The following DLG2 variants were observed in gnomAD, a reference collection of about 807,000 sequenced individuals.
The protein encoded by DLG2 is discs large MAGUK scaffold protein 2, also known as disks large homolog 2.
DLG2 carries 45 observed loss-of-function variants against 132.5 expected under a neutral mutation model. The observed-to-expected ratio is 0.34, with a 90% CI of 0.27 to 0.44. DLG2 has a LOEUF of 0.44. DLG2 is among the 20% of genes least tolerant of loss of function. The pLI is 1.00. For missense variants in DLG2, 1,045 were observed against 1,196.9 expected (o/e 0.87, Z 1.87); for synonymous variants, 424 against 419.6 (o/e 1.01, Z -0.13).
chr11:84,587,801 T>C (rs7119459), intron 6 of DLG2, among the ~76,000 whole-genome samples: 22,181 of 152,232 alleles, frequency 0.15, 1,806 homozygotes, highest in African/African-American at 0.21. Flanking sequence ...ATGCAGTCCA[T>C]GCTATTTAGC....
chr11:84,876,792 T>A (rs1488793190), intron 6 of DLG2, among the ~76,000 whole-genome samples: 1 of 152,190 alleles, frequency 6.6e-6, no homozygotes, highest in East Asian at 1.9e-4. Context: ...TGAATTTAGA[T>A]CTTTCCTGCT....
At chr11:84,793,712 G>C (rs909726028) in intron 6 of DLG2, among the ~76,000 whole-genome samples, 7 of 152,056 alleles carry the variant, frequency 4.6e-5, no homozygotes, top group Admixed American at 2.0e-4. Flanking sequence ...TCTGATATTA[G>C]TATAGCTACT....
chr11:84,677,927 G>A (rs1334005591), intron 6 of DLG2, among the ~76,000 whole-genome samples: 1 of 151,904 alleles, frequency 6.6e-6, no homozygotes, highest in African/African-American at 2.4e-5. Flanking sequence ...AAATGCATGA[G>A]TAAATTGCAT....
intron 18 of DLG2, among the ~76,000 whole-genome samples, chr11:83,655,804 T>A (rs538826920): frequency 2.0e-5 from 3 of 152,338 alleles, no homozygotes; most frequent in African/African-American, 7.2e-5. Flanking sequence ...CAAATTCATA[T>A]CCAAAAGGAC....
intron 18 of DLG2, among the ~76,000 whole-genome samples, chr11:83,679,004 A>C (rs2078261982): frequency 6.6e-6 from 1 of 152,142 alleles, no homozygotes; most frequent in Non-Finnish European, 1.5e-5. Context: ...TGAGGAGAGG[A>C]ATCAAAGCAG....
At chr11:84,892,570 C>A (rs1431658382) in intron 6 of DLG2, among the ~76,000 whole-genome samples, 2 of 151,608 alleles carry the variant, frequency 1.3e-5, no homozygotes, top group Non-Finnish European at 2.9e-5. Flanking sequence ...AAAAGTTATG[C>A]CTGTTTTGTG....
intron 6 of DLG2, among the ~76,000 whole-genome samples, chr11:84,615,382 T>C (rs2154539391): frequency 6.6e-6 from 1 of 152,228 alleles, no homozygotes; most frequent in Admixed American, 6.5e-5. Context: ...TACTAATTAC[T>C]GCTCTTGGTC....
chr11:85,093,593 G>A (rs1170941657), intron 6 of DLG2, among the ~76,000 whole-genome samples: 1 of 152,192 alleles, frequency 6.6e-6, no homozygotes, highest in Admixed American at 6.5e-5. Context: ...ATGGTGGAAG[G>A]TGAGGAAGAG....
At chr11:84,099,715 T>C (rs1037108223) in intron 9 of DLG2, among the ~76,000 whole-genome samples, 1 of 149,770 alleles carries the variant, frequency 6.7e-6, no homozygotes, top group African/African-American at 2.4e-5. Flanking sequence ...CTGTAGATTA[T>C]AGTAACTGAT....
chr11:83,616,738 G>A (rs2060875595), intron 19 of DLG2, among the ~76,000 whole-genome samples: 1 of 152,066 alleles, frequency 6.6e-6, no homozygotes, highest in African/African-American at 2.4e-5. Context: ...CACTTAGGAA[G>A]TTATTTTTCA....
chr11:85,475,702 A>T (rs1366382746), intron 3 of DLG2, among the ~76,000 whole-genome samples: 1 of 152,122 alleles, frequency 6.6e-6, no homozygotes, highest in Non-Finnish European at 1.5e-5. Flanking sequence ...CGTCTGATGT[A>T]TTTTTATTTT....
intron 3 of DLG2, among the ~76,000 whole-genome samples, chr11:85,390,072 A>G (rs1263472574): frequency 6.6e-6 from 1 of 152,144 alleles, no homozygotes; most frequent in African/African-American, 2.4e-5. Flanking sequence ...TGGCAGAATA[A>G]TAACTCACCA....
At chr11:83,947,388 AC>A (rs1271877029) in intron 14 of DLG2, among the ~76,000 whole-genome samples, 2 of 152,198 alleles carry the variant, frequency 1.3e-5, no homozygotes, top group African/African-American at 4.8e-5. Flanking sequence ...TATAGAGAAA[AC>A]ATCACTGAAT....
At chr11:83,662,129 G>A (rs1788831321) in intron 18 of DLG2, among the ~76,000 whole-genome samples, 1 of 152,078 alleles carries the variant, frequency 6.6e-6, no homozygotes, top group African/African-American at 2.4e-5. Flanking sequence ...TACTAGGACA[G>A]CCAGATTTGT....
intron 3 of DLG2, among the ~76,000 whole-genome samples, chr11:85,461,872 A>T (rs1000370360): frequency 6.6e-6 from 1 of 152,212 alleles, no homozygotes; most frequent in African/African-American, 2.4e-5. Context: ...GGCAACCTAC[A>T]GAATGGGAGA....
intron 7 of DLG2, among the ~76,000 whole-genome samples, chr11:84,452,749 T>C (rs2099055063): frequency 6.6e-6 from 1 of 151,550 alleles, no homozygotes; most frequent in African/African-American, 2.4e-5. Context: ...GAGCAGGTTT[T>C]GTAAGAAACA....
intron 3 of DLG2, among the ~76,000 whole-genome samples, chr11:85,489,508 C>G (rs114306075): frequency 5.3e-5 from 8 of 151,842 alleles, no homozygotes; most frequent in Admixed American, 1.3e-4. Context: ...TCATCGAGAC[C>G]GAAAATCAAC....
chr11:85,587,597 G>C (rs1261688632), intron 3 of DLG2, among the ~76,000 whole-genome samples: 1 of 152,250 alleles, frequency 6.6e-6, no homozygotes, highest in Non-Finnish European at 1.5e-5. Context: ...TATGCGTTAA[G>C]TGAATCTCTT....
intron 8 of DLG2, among the ~76,000 whole-genome samples, chr11:84,202,097 A>C (rs2096603646): frequency 1.3e-5 from 2 of 151,884 alleles, no homozygotes; most frequent in South Asian, 4.2e-4. Context: ...GATTACAGGC[A>C]GGAGCCACCA....
Sources: allele counts gnomAD v4.1 joint callset (sites outside exome capture counted in the v4.1 genomes callset), GRCh38; gene constraint gnomAD v4.1.1; transcripts MANE v1.5; gene names NCBI Gene and HGNC (gene_info 2026-07-23, HGNC 2026-07-21).